The following CUL4A variants were observed in gnomAD, a reference collection of about 807,000 sequenced individuals.
CUL4A encodes cullin 4A.
Under a neutral mutation model 95.5 loss-of-function variants are expected in CUL4A, and 16 were observed. The observed-to-expected ratio is 0.17, with a 90% CI of 0.11 to 0.25. The LOEUF (loss-of-function observed/expected upper bound fraction) is 0.25, where lower values mean the gene tolerates loss of function less well. CUL4A is among the 10% of genes least tolerant of loss of function. The pLI is 1.00. For missense variants in CUL4A, 610 were observed against 937.0 expected (o/e 0.65, Z 4.56); for synonymous variants, 380 against 353.1 (o/e 1.08, Z -0.85).
At chr13:113,260,542 TCCATC>T in intron 18 of CUL4A, 60 bp from the exon 19 acceptor site, 1 of 1,451,756 alleles carries the variant, frequency 6.9e-7, no homozygotes, top group Non-Finnish European at 9.3e-7. Flanking sequence ...TGAGTGAGAC[TCCATC>T]GCAAAAAATA....
intron 15 of CUL4A, among the ~76,000 whole-genome samples, chr13:113,252,108 G>A (rs1296325248): frequency 6.6e-6 from 1 of 152,176 alleles, no homozygotes; most frequent in Non-Finnish European, 1.5e-5. Flanking sequence ...GCATGGGAGA[G>A]TCACACACAG....
chr13:113,260,418 C>T (rs980816293), intron 18 of CUL4A, among the ~76,000 whole-genome samples, 189 bp from the exon 19 acceptor site: 11 of 151,334 alleles, frequency 7.3e-5, no homozygotes, highest in African/African-American at 2.4e-4. Context: ...GGCATGACAG[C>T]AGGTGCCTGT....
Position 113,245,143 on chromosome 13 carries a change from T to G in CUL4A, c.1445-9T>G. On this transcript the variant is annotated splice_polypyrimidine_tract_variant and intron_variant, in intron 13 of 19. Coordinates refer to ENST00000375440, the MANE Select transcript of CUL4A (RefSeq NM_001008895.4). The stretch of plus-strand genomic sequence containing the variant: ...ACCCCGATCTCACTCCCTCCTTTGC[T>G]GTGTCCAGAGTGCGGTGCAGCCTTC... The G allele has an allele frequency of 6.2e-7, 1 of 1,614,132 alleles. No homozygotes were observed. The highest frequency in any genetic ancestry group is 8.5e-7 in the Non-Finnish European group (1 of 1,179,966).
upstream of CUL4A, chr13:113,209,062 G>A (rs111235921): frequency 4.2e-6 from 1 of 240,702 alleles, no homozygotes; most frequent in East Asian, 1.9e-4. Flanking sequence ...GAGGGACATG[G>A]CGCGCGCTCC....
intron 5 of CUL4A, among the ~76,000 whole-genome samples, chr13:113,231,965 TTATTAA>T (rs2041327427): frequency 6.8e-6 from 1 of 147,164 alleles, no homozygotes; most frequent in African/African-American, 2.6e-5. Flanking sequence ...CACCATAATA[TTATTAA>T]TAATACTACC....
chr13:113,230,050 G>A (rs1041720808), intron 5 of CUL4A: 2 of 207,090 alleles, frequency 9.7e-6, no homozygotes, highest in South Asian at 3.7e-4. Flanking sequence ...GCTGACCCCT[G>A]TGTGTCCTCT....
intron 2 of CUL4A, among the ~76,000 whole-genome samples, chr13:113,217,232 G>A (rs1382749720): frequency 6.6e-6 from 1 of 152,166 alleles, no homozygotes; most frequent in Non-Finnish European, 1.5e-5. Context: ...AACTACTGGA[G>A]CAAAACCTTT....
At chr13:113,232,039 C>CCAGCACTACCCGCCCACCACCATTACTGT (rs1566342771) in intron 5 of CUL4A, among the ~76,000 whole-genome samples, 3 of 74,332 alleles carry the variant, frequency 4.0e-5, no homozygotes, top group Admixed American at 1.8e-4. Flanking sequence ...ATTACTGCTG[C>CCAGCACTACCCGCCCACCACCATTACTGT]CACCACTACC....
intron 13 of CUL4A, 22 bp from the exon 14 acceptor site, chr13:113,245,130 C>T (rs764570570): frequency 4.3e-6 from 7 of 1,613,566 alleles, no homozygotes; most frequent in Non-Finnish European, 5.9e-6. Flanking sequence ...CCCGATCTCA[C>T]TCCCTCCTTT....
intron 3 of CUL4A, among the ~76,000 whole-genome samples, chr13:113,222,483 G>C (rs1000669809): frequency 6.6e-6 from 1 of 152,046 alleles, no homozygotes; most frequent in African/African-American, 2.4e-5. Flanking sequence ...TGATTTGGAA[G>C]GAGGAGACAC....
intron 2 of CUL4A, among the ~76,000 whole-genome samples, chr13:113,212,515 G>A (rs1013826121): frequency 3.9e-5 from 6 of 152,206 alleles, no homozygotes; most frequent in Admixed American, 2.0e-4. Context: ...GGGTGCAGTG[G>A]CTCATGCCTG....
At position 113,239,530 on chromosome 13, in the gene CUL4A, G is replaced by A; in HGVS notation, c.1014G>A (p.Gln338=). The A allele has an allele frequency of 6.2e-7, 1 of 1,612,966 alleles. No individual in the cohort carries two copies. Among genetic ancestry groups the A allele is most frequent in the Non-Finnish European group, 8.5e-7 (1 of 1,179,452 alleles). The change falls in exon 10 of 20, where the codon CAG becomes CAA. Residue 338 remains glutamine, a synonymous_variant. Transcript: ENST00000375440. ...GGGGCGGGCAGCAGGCGCTGCTGCA[G>A]CACTGGAGCGAGTACATCAAGGTAC... The part of the protein sequence containing the change: ...RVRGGQQALL[Q]HWSEYIKTFG...
intron 15 of CUL4A, among the ~76,000 whole-genome samples, chr13:113,248,349 TATATC>T (rs1215656252): frequency 6.6e-6 from 1 of 152,212 alleles, no homozygotes; most frequent in Admixed American, 6.5e-5. Flanking sequence ...TCTCTCTCTT[TATATC>T]ATTATGAACT....
chr13:113,240,081 C>A (rs1354169909), intron 10 of CUL4A, among the ~76,000 whole-genome samples: 1 of 152,362 alleles, frequency 6.6e-6, no homozygotes, highest in East Asian at 1.9e-4. Flanking sequence ...AGAGTGGCTT[C>A]TTGGGCAGTA....
chr13:113,238,120 G>GT (rs1191761281), intron 9 of CUL4A, among the ~76,000 whole-genome samples: 3 of 152,048 alleles, frequency 2.0e-5, no homozygotes, highest in African/African-American at 7.2e-5. Context: ...TGTGTCAGGT[G>GT]TTTTTATGAA....
chr13:113,220,314 G>T (rs2040850417), intron 3 of CUL4A, among the ~76,000 whole-genome samples: 1 of 152,218 alleles, frequency 6.6e-6, no homozygotes, highest in Admixed American at 6.5e-5. Context: ...CTGTTGTGCT[G>T]GCTTCTGTAA....
At chr13:113,232,834 G>A (rs1595384326) in intron 5 of CUL4A, among the ~76,000 whole-genome samples, 2 of 152,132 alleles carry the variant, frequency 1.3e-5, no homozygotes, top group South Asian at 2.1e-4. Flanking sequence ...AGGCAGGGTC[G>A]TGGTGCCCAA....
intron 2 of CUL4A, 31 bp downstream of exon 2, chr13:113,210,119 C>A: frequency 1.4e-6 from 2 of 1,396,898 alleles, no homozygotes; most frequent in Non-Finnish European, 1.9e-6. Flanking sequence ...GGGGACGCCG[C>A]TCCTGCCCCG....
At chr13:113,254,868 ATAGACTTGG>A in intron 17 of CUL4A, 70 bp downstream of exon 17, 1 of 1,593,358 alleles carries the variant, frequency 6.3e-7, no homozygotes, top group Non-Finnish European at 8.6e-7. Context: ...AAGATAAGAC[ATAGACTTGG>A]TAGCATGATT....
Sources: gnomAD v4.1 joint callset for allele counts (sites outside exome capture counted in the v4.1 genomes callset) on GRCh38, gnomAD v4.1.1 for gene constraint, MANE v1.5 for transcripts, NCBI Gene and HGNC (gene_info 2026-07-23, HGNC 2026-07-21) for gene names.